SFRP4: variants seen among roughly 807,000 people sequenced by gnomAD.
SFRP4 encodes secreted frizzled related protein 4, also known as secreted frizzled-related protein 4.
Under a neutral mutation model 36.3 loss-of-function variants are expected in SFRP4, and 25 were observed. The observed-to-expected ratio is 0.69, with a 90% CI of 0.50 to 0.96. The LOEUF (loss-of-function observed/expected upper bound fraction) is 0.96. Among genes scored for constraint, SFRP4 ranks in the 40% least tolerant of loss-of-function variants. SFRP4 has a pLI of 0.00. For synonymous variants in SFRP4, 182 were observed against 168.8 expected (o/e 1.08, Z -0.60); for missense variants, 487 against 459.6 (o/e 1.06, Z -0.54).
At position 37,916,385 on chromosome 7, in the gene SFRP4, C is replaced by T; in HGVS notation, c.153G>A (p.Gln51=). 2 of 1,614,232 alleles carry T rather than the reference C, an allele frequency of 1.2e-6. No individual in the cohort carries two copies. Among genetic ancestry groups the T allele is most frequent in the Non-Finnish European group, 8.5e-7 (1 of 1,180,028 alleles). ...RMPNHLHHST[Q]ENAILAIEQY... ...GCTCGATGGCCAGGATGGCGTTCTC[C>T]TGCGTGCTGTGGTGCAGGTGGTTGG... Residue 51 remains glutamine, a synonymous_variant, in exon 1 of 6, where the codon CAG becomes CAA. Coordinates refer to ENST00000436072, the MANE Select transcript of SFRP4 (RefSeq NM_003014.4). This position sits in a 1 kb window ranked among gnomAD's most constrained non-coding sequence, Gnocchi z 4.1.
At position 37,913,277 on chromosome 7, in the gene SFRP4, AT is replaced by A. The variant is rs368403590; in HGVS notation, c.592+935del. Among the ~76,000 whole-genome samples, 764 of 152,080 alleles carry A rather than the reference AT, an allele frequency of 5.0e-3. 3 individuals carry two copies. The highest frequency in any genetic ancestry group is 0.014 in the Middle Eastern group (4 of 292). ...AAATCTGATAGTTTTGTAACAGCTT[AT>A]TTTTTTTCAGATTTCTACATTTCTG... On this transcript the variant is annotated intron_variant, in intron 3 of 5. Transcript: ENST00000436072.
At chr7:37,914,780 G>A (rs759620282) in intron 1 of SFRP4, among the ~76,000 whole-genome samples, 1 of 152,158 alleles carries the variant, frequency 6.6e-6, no homozygotes. Flanking sequence ...CAGGAGAATC[G>A]CTTGAACCCG....
Position 37,915,693 on chromosome 7 carries a change from T to C in SFRP4, c.445+400A>G, listed in dbSNP as rs367568190. On this transcript the variant is annotated intron_variant, in intron 1 of 5. Coordinates refer to ENST00000436072, the MANE Select transcript of SFRP4 (RefSeq NM_003014.4). ...AAAAAAACTTTTTAAGAAGTAGCGC[T>C]AAATGGAACGAGTATTGGCACCTGC... 7.5e-4 allele frequency among the ~76,000 whole-genome samples: 114 copies of C among 152,080 alleles called. 2 individuals carry two copies. In the South Asian group the frequency reaches 0.023, roughly 30 times the overall value.
Position 37,916,043 on chromosome 7 carries a change from C to T in SFRP4, c.445+50G>A. 6.4e-7 allele frequency: 1 copy of T among 1,565,630 alleles called. No individual in the cohort carries two copies. The highest frequency in any genetic ancestry group is 8.7e-7 in the Non-Finnish European group (1 of 1,153,368). ...GGCCGCCCAGTTCTCGATTGGCAGC[C>T]ACAGCCCCGGGCGCCTCCTCGCCTC... On this transcript the variant is annotated intron_variant, in intron 1 of 5. Coordinates refer to ENST00000436072, the MANE Select transcript of SFRP4 (RefSeq NM_003014.4). The surrounding 1 kb of genome is among the most constrained non-coding windows in gnomAD (Gnocchi z 4.1).
chr7:37,907,806 TATC>T lies in SFRP4; in HGVS notation c.856-145_856-143del, dbSNP rs1317504091. The T allele has an allele frequency of 6.0e-5, 36 of 596,270 alleles. No homozygotes were observed. The East Asian group carries it at 9.0e-4, about 15-fold the overall frequency. The allele number at this position is 596,270 out of a possible 1,614,324, so 36.9% of individuals were successfully genotyped here. A position where few individuals can be genotyped will look rare whatever the true frequency, so the allele number is the denominator to read the frequency against. The stretch of plus-strand genomic sequence containing the variant: ...TAATAGCTACCCTATGTGAAGCACT[TATC>T]ATGTACCAGGTGACTTGGAAAGTGC... On this transcript the variant is annotated intron_variant, in intron 5 of 5. Coordinates refer to ENST00000436072, the MANE Select transcript of SFRP4 (RefSeq NM_003014.4).
chr7:37,909,644 C>A lies in SFRP4; in HGVS notation c.828G>T (p.Trp276Cys). The A allele has an allele frequency of 1.3e-6, 2 of 1,582,262 alleles. No individual in the cohort carries two copies. Among genetic ancestry groups the A allele is most frequent in the Non-Finnish European group, 1.7e-6 (2 of 1,163,176 alleles). The change falls in exon 5 of 6, where the codon TGG becomes TGT. Residue 276 changes from tryptophan (W) to cysteine (C), a missense_variant. Transcript: ENST00000436072. ...TGGATCTTTTACTAAGCTGATCTCTCCATTTTTCAACTAAGCAATTTTCAA... is the reference window on the plus strand; with the variant it reads ...TGGATCTTTTACTAAGCTGATCTCTACATTTTTCAACTAAGCAATTTTCAA... ...MLLENCLVEKWRDQLSKRSIQ... is the reference protein window; with the variant it reads ...MLLENCLVEKCRDQLSKRSIQ...
chr7:37,912,387 C>A, intron 3 of SFRP4, 70 bp from the exon 4 acceptor site: 4 of 1,242,496 alleles, frequency 3.2e-6, no homozygotes, highest in Admixed American at 1.8e-5. Context: ...TGTATTCATG[C>A]CAACTTCTGA....
Position 37,912,113 on chromosome 7 carries a change from GC to G in SFRP4, c.791+5del, listed in dbSNP as rs1206182575. 1 of 1,610,612 alleles carries G rather than the reference GC, an allele frequency of 6.2e-7. No individual in the cohort carries two copies. Among genetic ancestry groups the G allele is most frequent in the African/African-American group, 1.3e-5 (1 of 74,846 alleles). ...CATACAGTTCCTTCTGCCTCTTTGT[GC>G]CTACCTTGAGCGCCACTCGTAACAC... On this transcript the variant is annotated splice_donor_5th_base_variant and intron_variant, in intron 4 of 5. Coordinates refer to ENST00000436072, the MANE Select transcript of SFRP4 (RefSeq NM_003014.4).
intron 4 of SFRP4, among the ~76,000 whole-genome samples, chr7:37,910,165 A>T (rs1446097178): frequency 6.6e-6 from 1 of 151,934 alleles, no homozygotes; most frequent in Non-Finnish European, 1.5e-5. Flanking sequence ...TTTTAAAAAG[A>T]TTTTCAATGC....
intron 1 of SFRP4, among the ~76,000 whole-genome samples, chr7:37,915,854 T>C (rs949809457): frequency 1.4e-5 from 2 of 144,718 alleles, no homozygotes; most frequent in Non-Finnish European, 3.0e-5. Context: ...CATCGAAGGC[T>C]CCCTTTGTAA....
chr7:37,912,463 G>A (rs1785509798), intron 3 of SFRP4, 146 bp from the exon 4 acceptor site: 1 of 638,190 alleles, frequency 1.6e-6, no homozygotes, highest in Non-Finnish European at 2.8e-6. Context: ...CAGGCAAACA[G>A]CCCACACAGT....
In SFRP4 at chr7:37,916,017, T is replaced by C. The variant is rs1386398980; in HGVS notation, c.445+76A>G. The C allele has an allele frequency of 6.5e-7, 1 of 1,539,474 alleles. No homozygotes were observed. Among genetic ancestry groups the C allele is most frequent in the Admixed American group, 1.9e-5 (1 of 52,572 alleles). ...CAGACGCCCCTGGCAGCCTTAGGTG[T>C]GGCCGCCCAGTTCTCGATTGGCAGC... is the stretch of plus-strand genomic sequence containing the variant. On this transcript the variant is annotated intron_variant, in intron 1 of 5. Transcript: ENST00000436072. This position sits in a 1 kb window ranked among gnomAD's most constrained non-coding sequence, Gnocchi z 4.1.
chr7:37,909,527 A>G, intron 5 of SFRP4, 90 bp downstream of exon 5: 1 of 703,742 alleles, frequency 1.4e-6, no homozygotes, highest in South Asian at 2.7e-5. Flanking sequence ...GAGAGCTTGG[A>G]GATTAGAGAA....
At position 37,916,773 on chromosome 7, in the gene SFRP4, G is replaced by A. The variant is rs955125200; in HGVS notation, c.-236C>T. On this transcript the variant is annotated 5_prime_UTR_variant, in exon 1 of 6. Transcript: ENST00000436072. The surrounding 1 kb of genome is among the most constrained non-coding windows in gnomAD (Gnocchi z 4.1). ...CTCTCAGCCTTCGGGGCGCGAACCCGCCCGGGCAGCTCCAGTCCCGGACTC... is the reference window on the plus strand; with the variant it reads ...CTCTCAGCCTTCGGGGCGCGAACCCACCCGGGCAGCTCCAGTCCCGGACTC... 40 of 616,104 alleles carry A rather than the reference G, an allele frequency of 6.5e-5. No homozygotes were observed. Among genetic ancestry groups the A allele is most frequent in the Non-Finnish European group, 1.0e-4 (37 of 355,444 alleles). 38.2% of individuals were successfully genotyped at this position (616,104 alleles called of 1,614,324 possible).
At chr7:37,909,808 A>T (rs1785454437) in intron 4 of SFRP4, 128 bp from the exon 5 acceptor site, 1 of 503,348 alleles carries the variant, frequency 2.0e-6, no homozygotes, top group Non-Finnish European at 3.5e-6. Context: ...TTTATATTTT[A>T]TTGGTGTTTC....
At position 37,916,332 on chromosome 7, in the gene SFRP4, C is replaced by G. The variant is rs571165714; in HGVS notation, c.206G>C (p.Cys69Ser). ...EQYEELVDVN[C>S]SAVLRFFLCA... ...GAGGAAGAAGCGCAGCACGGCGCTG[C>G]AGTTCACGTCCACCAGCTCCTCGTA... Residue 69 changes from cysteine (C) to serine (S), a missense_variant, in exon 1 of 6, where the codon TGC becomes TCC. Cys to Ser is a moderately radical substitution (Grantham distance 112). Transcript: ENST00000436072. This position sits in a 1 kb window ranked among gnomAD's most constrained non-coding sequence, Gnocchi z 4.1. 10 of 1,614,226 alleles carry G rather than the reference C, an allele frequency of 6.2e-6. No individual in the cohort carries two copies. The East Asian group carries it at 2.0e-4, about 32-fold the overall frequency.
rs1457369989 is a variant in SFRP4, at chr7:37,906,821, T to A, written c.*658A>T. 6.6e-6 allele frequency: 1 copy of A among 152,230 alleles called. No homozygotes were observed. The highest frequency in any genetic ancestry group is 2.4e-5 in the African/African-American group (1 of 41,464). 9.4% of individuals were successfully genotyped at this position (152,230 alleles called of 1,614,324 possible). Reference sequence around the variant, plus strand: ...TGTCTGCCTCTCCTTTTTATTTATTTTTCTTTATTATTATTTTTGTTTTTA... The same window carrying A: ...TGTCTGCCTCTCCTTTTTATTTATTATTCTTTATTATTATTTTTGTTTTTA... On this transcript the variant is annotated 3_prime_UTR_variant, in exon 6 of 6. Coordinates refer to ENST00000436072, the MANE Select transcript of SFRP4 (RefSeq NM_003014.4).
chr7:37,912,411 A>T (rs571814586), intron 3 of SFRP4, 94 bp from the exon 4 acceptor site: 12 of 971,092 alleles, frequency 1.2e-5, no homozygotes, highest in Non-Finnish European at 1.9e-5. Context: ...TCTCTTAAAG[A>T]ATCACTCCTG....
At chr7:37,912,776 TC>T (rs1479950331) in intron 3 of SFRP4, among the ~76,000 whole-genome samples, 1 of 152,098 alleles carries the variant, frequency 6.6e-6, no homozygotes, top group Admixed American at 6.6e-5. Context: ...CTGGAGGGAG[TC>T]TCTGAGGACT....
Sources: gnomAD v4.1 joint callset for allele counts (sites outside exome capture counted in the v4.1 genomes callset) on GRCh38, gnomAD v4.1.1 for gene constraint, Gnocchi (gnomAD v3.1) non-coding constraint, MANE v1.5 for transcripts, NCBI Gene and HGNC (gene_info 2026-07-23, HGNC 2026-07-21) for gene names.